Variants in EPHB2 observed in about 807,000 individuals in gnomAD.
The protein encoded by EPHB2 is ephrin type-B receptor 2.
A neutral mutation model predicts 96.4 loss-of-function variants in EPHB2; 18 were observed. That is an observed-to-expected ratio of 0.19 (90% CI 0.13 to 0.28). The LOEUF is 0.28. Among genes scored for constraint, EPHB2 ranks in the 10% least tolerant of loss-of-function variants. EPHB2 has a pLI of 1.00. For synonymous variants in EPHB2, 506 were observed against 534.1 expected (o/e 0.95, Z 0.72); for missense variants, 989 against 1,355.4 (o/e 0.73, Z 4.25).
rs541921750 is a variant in EPHB2, at chr1:22,785,074, G to A, written c.809G>A (p.Arg270Gln). 38 of 1,613,520 alleles carry A rather than the reference G, an allele frequency of 2.4e-5. No homozygotes were observed. In the Middle Eastern group the frequency reaches 4.9e-4, roughly 21 times the overall value. Residue 270 changes from arginine (R) to glutamine (Q), a missense_variant and splice_region_variant, in exon 3 of 16, where the codon CGA becomes CAA. By Grantham distance (43) the Arg-to-Gln change is conservative. Coordinates refer to ENST00000374630, the MANE Select transcript of EPHB2 (RefSeq NM_017449.5). ...GCCGTTGAGAATGGCACCGTCTGCC[G>A]AGGTAAGGGCCAGGGTGGGGCACGT... ...FEAVENGTVC[R>Q]GCPSGTFKAN...
chr1:22,811,877 C>G (rs982890778), intron 3 of EPHB2, among the ~76,000 whole-genome samples: 1 of 152,100 alleles, frequency 6.6e-6, no homozygotes, highest in Non-Finnish European at 1.5e-5. Flanking sequence ...CATCTCTACA[C>G]AAAATTTAAA....
intron 3 of EPHB2, chr1:22,836,160 G>A (rs1057058335): frequency 3.3e-5 from 5 of 152,344 alleles, no homozygotes; most frequent in South Asian, 2.1e-4. Flanking sequence ...CCTTTCCAGC[G>A]TAGCCGCTTT....
Position 22,790,149 on chromosome 1 carries a change from G to C in EPHB2, c.811+5073G>C, listed in dbSNP as rs1376719713. On this transcript the variant is annotated intron_variant, in intron 3 of 15. Transcript: ENST00000374630. This position sits in a 1 kb window ranked among gnomAD's most constrained non-coding sequence, Gnocchi z 4.0. ...AGTGAGTAGGATTTGGATGGGTGAA[G>C]GTAGGGAGGAAGGGAATTGTAGGCA... 1.3e-5 allele frequency among the ~76,000 whole-genome samples: 2 copies of C among 152,162 alleles called. No homozygotes were observed. The highest frequency in any genetic ancestry group is 1.3e-4 in the Admixed American group (2 of 15,274).
intron 3 of EPHB2, among the ~76,000 whole-genome samples, chr1:22,817,479 C>G (rs1484117354): frequency 1.3e-5 from 2 of 152,214 alleles, no homozygotes; most frequent in East Asian, 3.9e-4. Flanking sequence ...GTCATATGGA[C>G]CATCCTGTGG....
chr1:22,863,248 AGAAAAGCTCAGAGT>A (rs765058138), intron 4 of EPHB2, 56 bp downstream of exon 4: 1 of 1,612,240 alleles, frequency 6.2e-7, no homozygotes, highest in South Asian at 1.1e-5. Context: ...GTCTACCTGC[AGAAAAGCTCAGAGT>A]GAGGATTGGG....
intron 3 of EPHB2, among the ~76,000 whole-genome samples, chr1:22,832,813 G>A (rs1208121299): frequency 1.3e-5 from 2 of 152,088 alleles, no homozygotes; most frequent in African/African-American, 4.8e-5. Flanking sequence ...AGAAGAAGAG[G>A]GGGTACAATA....
intron 6 of EPHB2, among the ~76,000 whole-genome samples, chr1:22,888,046 G>GT (rs993382386): frequency 1.6e-4 from 24 of 151,680 alleles, no homozygotes; most frequent in African/African-American, 4.1e-4. Context: ...TTTTTTGGGG[G>GT]TTTTTTTTGT....
chr1:22,760,441 A>C (rs1268386944), intron 1 of EPHB2, among the ~76,000 whole-genome samples: 2 of 152,124 alleles, frequency 1.3e-5, no homozygotes, highest in Non-Finnish European at 2.9e-5. Flanking sequence ...AGTCTTGATG[A>C]CATCTATTTT....
At chr1:22,727,309 G>A (rs2148347011) in intron 1 of EPHB2, among the ~76,000 whole-genome samples, 1 of 152,346 alleles carries the variant, frequency 6.6e-6, no homozygotes, top group Middle Eastern at 3.4e-3. Context: ...CACATCCTTG[G>A]TGGATGGGCC....
At chr1:22,782,660 G>A (rs957299526) in intron 2 of EPHB2, among the ~76,000 whole-genome samples, 1 of 152,198 alleles carries the variant, frequency 6.6e-6, no homozygotes, top group African/African-American at 2.4e-5. Flanking sequence ...GCCTCCGCAT[G>A]TTAATTAGAG....
rs1004270994 is a variant in EPHB2 at position 22,758,296 on chromosome 1, C to G, written c.62-23125C>G. 5.3e-5 allele frequency among the ~76,000 whole-genome samples: 8 copies of G among 152,092 alleles called. No individual in the cohort carries two copies. In the East Asian group the frequency reaches 1.6e-3, roughly 30 times the overall value. ...ATTTGAAAGCACCCTGCCAGATGTC[C>G]AGGACCCCAGCCTGAAAAGGCATAG... On this transcript the variant is annotated intron_variant, in intron 1 of 15. Coordinates refer to ENST00000374630, the MANE Select transcript of EPHB2 (RefSeq NM_017449.5).
intron 3 of EPHB2, among the ~76,000 whole-genome samples, chr1:22,809,137 G>A (rs1055168682): frequency 1.3e-5 from 2 of 152,208 alleles, no homozygotes; most frequent in African/African-American, 4.8e-5. Context: ...TAAGTCCCCT[G>A]GCACCCTCAG....
chr1:22,901,132 G>A (rs1449159517), intron 9 of EPHB2, among the ~76,000 whole-genome samples: 1 of 152,176 alleles, frequency 6.6e-6, no homozygotes, highest in African/African-American at 2.4e-5. Flanking sequence ...ATGAATTAAG[G>A]GACATTAAAG....
chr1:22,893,150 C>A (rs1639448245), intron 7 of EPHB2, 104 bp downstream of exon 7: 12 of 1,567,184 alleles, frequency 7.7e-6, no homozygotes, highest in African/African-American at 1.4e-5. Flanking sequence ...TTAGAAAAGG[C>A]ACTCCCTTCT....
chr1:22,911,579 G>T (rs915990929), intron 14 of EPHB2, among the ~76,000 whole-genome samples: 12 of 152,186 alleles, frequency 7.9e-5, no homozygotes, highest in Non-Finnish European at 1.3e-4. Flanking sequence ...GCCTCCCAGG[G>T]CAGGCTCCAT....
chr1:22,859,212 C>T (rs1645752536), intron 3 of EPHB2, among the ~76,000 whole-genome samples: 1 of 142,312 alleles, frequency 7.0e-6, no homozygotes, highest in Non-Finnish European at 1.5e-5. Context: ...TTAAAGGGGT[C>T]TAGGAGTTTG....
chr1:22,784,687 T>C lies in EPHB2; in HGVS notation c.422T>C (p.Ile141Thr). 6.2e-7 allele frequency: 1 copy of C among 1,614,020 alleles called. No homozygotes were observed. The highest frequency in any genetic ancestry group is 8.5e-7 in the Non-Finnish European group (1 of 1,180,036). The change falls in exon 3 of 16, where the codon ATT (isoleucine) becomes ACT (threonine). Residue 141 changes from isoleucine (I) to threonine (T), a missense_variant. Physicochemically the swap from Ile to Thr is moderately conservative, Grantham distance 89 (BLOSUM62 -1). Transcript: ENST00000374630. The surrounding 1 kb of genome is among the most constrained non-coding windows in gnomAD (Gnocchi z 5.1). ...AATCCATGGGTGAAGGTGGATACCA[T>C]TGCAGCCGACGAGAGCTTCTCCCAG... ...MENPWVKVDT[I>T]AADESFSQVD...
At chr1:22,721,789 T>A (rs1643472774) in intron 1 of EPHB2, among the ~76,000 whole-genome samples, 1 of 151,816 alleles carries the variant, frequency 6.6e-6, no homozygotes, top group Admixed American at 6.6e-5. Flanking sequence ...CATTTTTTTT[T>A]TTTTTGTAGA....
intron 3 of EPHB2, among the ~76,000 whole-genome samples, chr1:22,842,970 A>G (rs905714042): frequency 1.3e-5 from 2 of 152,122 alleles, no homozygotes; most frequent in African/African-American, 2.4e-5. Flanking sequence ...GTATTTATCT[A>G]ATACCTGTTT....
Sources: gnomAD v4.1 joint callset for allele counts (sites outside exome capture counted in the v4.1 genomes callset) on GRCh38, gnomAD v4.1.1 for gene constraint, Gnocchi (gnomAD v3.1) non-coding constraint, MANE v1.5 for transcripts, NCBI Gene and HGNC (gene_info 2026-07-23, HGNC 2026-07-21) for gene names.